The following SEPTIN14 variants were observed in gnomAD, a reference collection of about 807,000 sequenced individuals.
The protein encoded by SEPTIN14 is septin 14.
In SEPTIN14, 40 loss-of-function variants were observed where a neutral mutation model predicts 53.6. The ratio of observed to expected loss-of-function variants is 0.75; its 90% confidence interval spans 0.58 to 0.97. The LOEUF is 0.97. Among genes scored for constraint, SEPTIN14 ranks in the 50% least tolerant of loss-of-function variants. The probability of loss-of-function intolerance (pLI) is 0.00; values close to 1 mark genes in which losing one functional copy is unlikely to be tolerated. For missense variants in SEPTIN14, 471 were observed against 508.2 expected, an observed-to-expected ratio of 0.93 and a Z score of 0.70; for synonymous variants, 138 against 166.8, an observed-to-expected ratio of 0.83 and a Z score of 1.33.
At chr7:55,821,844 T>C (rs1327813464) in intron 6 of SEPTIN14, among the ~76,000 whole-genome samples, 1 of 152,176 alleles carries the variant, frequency 6.6e-6, no homozygotes, top group Non-Finnish European at 1.5e-5. Context: ...TATTAGTCTG[T>C]TTTAACGCTA....
At chr7:55,846,768 C>G (rs530574551) in intron 2 of SEPTIN14, 131 bp from the exon 3 acceptor site, 151 of 549,702 alleles carry the variant, frequency 2.7e-4, no homozygotes, top group Non-Finnish European at 4.2e-4. Flanking sequence ...AGACAAGATG[C>G]AAATATATTA....
intron 3 of SEPTIN14, among the ~76,000 whole-genome samples, chr7:55,845,675 G>A (rs1214511422): frequency 6.6e-6 from 1 of 151,918 alleles, no homozygotes; most frequent in Non-Finnish European, 1.5e-5. Context: ...AAATAACTAT[G>A]ATTTTTCAAT....
In SEPTIN14 at chr7:55,843,062, A is replaced by C; in HGVS notation, c.438T>G (p.Ile146Met). Reference sequence around the variant, plus strand: ...CATGGTACTCAAACAAGGAACGTTTAATCTTCAGTTCTTCTTGAAGATAGG... The same window carrying C: ...CATGGTACTCAAACAAGGAACGTTTCATCTTCAGTTCTTCTTGAAGATAGG... ...FEAYLQEELKIKRSLFEYHDS... is the reference protein window; with the variant it reads ...FEAYLQEELKMKRSLFEYHDS... The change falls in exon 5 of 10, where the codon ATT becomes ATG. Residue 146 changes from isoleucine to methionine, a missense_variant. Physicochemically the swap from Ile to Met is conservative, Grantham distance 10. Transcript: ENST00000388975. 1 of 1,608,508 alleles carries C rather than the reference A, an allele frequency of 6.2e-7. No individual in the cohort carries two copies. Among genetic ancestry groups the C allele is most frequent in the Admixed American group, 1.7e-5 (1 of 58,788 alleles).
Position 55,852,348 on chromosome 7 carries a change from C to A in SEPTIN14, c.55-5711G>T, listed in dbSNP as rs140894284. Among the ~76,000 whole-genome samples the A allele has an allele frequency of 2.8e-3, 424 of 152,020 alleles. 5 individuals are homozygous for A. Among genetic ancestry groups the A allele is most frequent in the Middle Eastern group, 0.01 (3 of 294 alleles). ...CTGGCATGAAAACAGACATATAGAC[C>A]AATGGAACAGAATACAGAACTCAGA... is the stretch of plus-strand genomic sequence containing the variant. On this transcript the variant is annotated intron_variant, in intron 2 of 9. Coordinates refer to ENST00000388975, the MANE Select transcript of SEPTIN14 (RefSeq NM_207366.3).
intron 6 of SEPTIN14, among the ~76,000 whole-genome samples, chr7:55,833,700 T>C (rs1789153979): frequency 6.6e-6 from 1 of 152,062 alleles, no homozygotes; most frequent in Non-Finnish European, 1.5e-5. Context: ...AGAGTGAGAC[T>C]CTGTCTCAAA....
chr7:55,830,350 T>TATATATATATATATATATA (rs1554330088), intron 6 of SEPTIN14, among the ~76,000 whole-genome samples: 1 of 14,620 alleles, frequency 6.8e-5, no homozygotes, highest in African/African-American at 3.9e-4. Context: ...TATATATATA[T>TATATATATATATATATATA]TTTTTTTTTT....
At chr7:55,844,955 C>A (rs1162882272) in intron 3 of SEPTIN14, among the ~76,000 whole-genome samples, 1 of 150,852 alleles carries the variant, frequency 6.6e-6, no homozygotes, top group Non-Finnish European at 1.5e-5. Flanking sequence ...AGTACACGTG[C>A]AGGTTTGTTG....
rs1255368951 is a variant in SEPTIN14 at position 55,807,205 on chromosome 7, T to C, written c.871A>G (p.Thr291Ala). The C allele has an allele frequency of 6.2e-7, 1 of 1,607,460 alleles. No individual in the cohort carries two copies. The highest frequency in any genetic ancestry group is 1.3e-5 in the African/African-American group (1 of 74,528). ...TTTTCTTTTAGATTTTCCATATTGG[T>C]ACAAAGAAGCATATCTCGGAGCTTA... is the stretch of plus-strand genomic sequence containing the variant. ...FVKLRDMLLC[T>A]NMENLKEKTH... is the part of the protein sequence containing the mutation. The change falls in exon 8 of 10, where the codon ACC (threonine) becomes GCC (alanine). Residue 291 changes from threonine to alanine, a missense_variant. Coordinates refer to ENST00000388975, the MANE Select transcript of SEPTIN14 (RefSeq NM_207366.3).
At position 55,794,831 on chromosome 7, in the gene SEPTIN14, A is replaced by G. The variant is rs1788402150; in HGVS notation, c.*1082T>C. On this transcript the variant is annotated 3_prime_UTR_variant, in exon 10 of 10. Transcript: ENST00000388975. The stretch of plus-strand genomic sequence containing the variant: ...ACACCCGGCTAACTTTTGTATTATT[A>G]GTAGAGATGGGGTTTCGTCATGTTG... The G allele has an allele frequency of 6.6e-6, 1 of 152,120 alleles. No homozygotes were observed. Among genetic ancestry groups the G allele is most frequent in the South Asian group, 2.1e-4 (1 of 4,822 alleles). 9.4% of individuals were successfully genotyped at this position (152,120 alleles called of 1,614,324 possible).
chr7:55,804,386 G>A (rs1353826779), intron 9 of SEPTIN14, among the ~76,000 whole-genome samples: 1 of 151,376 alleles, frequency 6.6e-6, no homozygotes, highest in South Asian at 2.1e-4. Context: ...AGCCTCCCGA[G>A]TAGCTGGAAT....
chr7:55,813,041 G>T (rs769156993), intron 7 of SEPTIN14, among the ~76,000 whole-genome samples: 1 of 151,382 alleles, frequency 6.6e-6, no homozygotes, highest in African/African-American at 2.4e-5. Flanking sequence ...CCTCCACTTC[G>T]CAGGTTCAAG....
intron 6 of SEPTIN14, among the ~76,000 whole-genome samples, chr7:55,831,368 G>A (rs1427117685): frequency 6.6e-6 from 1 of 152,178 alleles, no homozygotes; most frequent in Admixed American, 6.6e-5. Flanking sequence ...AAAATAAACA[G>A]TGGGGAAAGA....
Position 55,844,698 on chromosome 7 carries a change from AT to A in SEPTIN14, c.195del (p.Lys65AsnfsTer4). On this transcript the variant is annotated frameshift_variant, in exon 4 of 10. Coordinates refer to ENST00000388975, the MANE Select transcript of SEPTIN14 (RefSeq NM_207366.3). LOFTEE classifies it high-confidence loss of function. ...TTAAACAATGTGTCTATCAGTGTCG[AT>A]TTTCCAATTCCAGTCTCCCCTGTAA... ...ILCVGETGIG[K>X]STLIDTLFNT... 6.3e-7 allele frequency: 1 copy of A among 1,593,330 alleles called. No individual in the cohort carries two copies. The highest frequency in any genetic ancestry group is 1.1e-5 in the South Asian group (1 of 87,992).
At chr7:55,833,162 C>A (rs7811273) in intron 6 of SEPTIN14, among the ~76,000 whole-genome samples, 41,001 of 151,522 alleles carry the variant, frequency 0.27, 6,825 homozygotes, top group East Asian at 0.46. Context: ...AAAATACAAA[C>A]AAATTAGCCG....
intron 6 of SEPTIN14, among the ~76,000 whole-genome samples, chr7:55,831,629 C>T (rs904645043): frequency 3.3e-5 from 5 of 152,102 alleles, no homozygotes; most frequent in Non-Finnish European, 7.4e-5. Context: ...ACAAATGAGA[C>T]TTAAACTAAA....
intron 7 of SEPTIN14, among the ~76,000 whole-genome samples, chr7:55,816,907 G>C (rs1229465275): frequency 6.6e-6 from 1 of 152,158 alleles, no homozygotes; most frequent in Non-Finnish European, 1.5e-5. Flanking sequence ...GGGAACCCTT[G>C]TACACTGTTG....
intron 5 of SEPTIN14, among the ~76,000 whole-genome samples, chr7:55,839,845 G>A (rs1789277195): frequency 6.6e-6 from 1 of 152,120 alleles, no homozygotes; most frequent in African/African-American, 2.4e-5. Context: ...TCAAAGAGGT[G>A]ATTAAAAAGT....
intron 5 of SEPTIN14, 81 bp from the exon 6 acceptor site, chr7:55,834,667 G>C: frequency 8.4e-7 from 1 of 1,195,334 alleles, no homozygotes; most frequent in Non-Finnish European, 1.2e-6. Flanking sequence ...TTTTGAGACG[G>C]AGTCTCGCTT....
intron 7 of SEPTIN14, among the ~76,000 whole-genome samples, chr7:55,815,276 G>T (rs1294998741): frequency 1.3e-5 from 2 of 152,000 alleles, no homozygotes; most frequent in Non-Finnish European, 2.9e-5. Flanking sequence ...ATAGACAAAT[G>T]GGATCACCTC....
Sources: gnomAD v4.1 joint callset for allele counts (sites outside exome capture counted in the v4.1 genomes callset) on GRCh38, gnomAD v4.1.1 for gene constraint, MANE v1.5 for transcripts, NCBI Gene and HGNC (gene_info 2026-07-23, HGNC 2026-07-21) for gene names.